AMER3: variants seen among roughly 807,000 people sequenced by gnomAD.
AMER3 encodes APC membrane recruitment protein 3, also known as family with sequence similarity 123C.
For synonymous variants in AMER3, 541 were observed against 485.5 expected, an observed-to-expected ratio of 1.11 and a Z score of -1.50; for missense variants, 1,201 against 1,139.4, an observed-to-expected ratio of 1.05 and a Z score of -0.78.
Position 130,764,022 on chromosome 2 carries a change from C to T in AMER3, c.1950C>T (p.Val650=), listed in dbSNP as rs1483336643. The T allele has an allele frequency of 6.2e-7, 1 of 1,613,184 alleles. No individual in the cohort carries two copies. The highest frequency in any genetic ancestry group is 8.5e-7 in the Non-Finnish European group (1 of 1,179,822). The part of the protein sequence containing the change: ...CSQKEPGPPG[V]LGCFRGPWRP... The stretch of plus-strand genomic sequence containing the variant: ...AGAAGGAGCCTGGGCCACCAGGGGT[C>T]CTGGGGTGTTTCCGAGGCCCCTGGA... Residue 650 remains valine (V), a synonymous_variant, in exon 2 of 2, where the codon GTC becomes GTT. Coordinates refer to ENST00000321420, the MANE Select transcript of AMER3 (RefSeq NM_152698.3).
rs1431451591 is a variant in AMER3 at position 130,762,093 on chromosome 2, G to GACC, written c.22_24dup (p.Thr8dup). ...GCAGCATGGAGCTGAAGAGAGGAAAGACCTTCATCAAGTCCAGCCTGCAGG... is the reference window on the plus strand; with the variant it reads ...GCAGCATGGAGCTGAAGAGAGGAAAGACCACCTTCATCAAGTCCAGCCTGCAGG... On this transcript the variant is annotated inframe_insertion, in exon 2 of 2. Coordinates refer to ENST00000321420, the MANE Select transcript of AMER3 (RefSeq NM_152698.3). The GACC allele has an allele frequency of 6.2e-7, 1 of 1,611,232 alleles. No homozygotes were observed. Among genetic ancestry groups the GACC allele is most frequent in the African/African-American group, 1.3e-5 (1 of 75,046 alleles).
rs754989002 is a variant in AMER3, at chr2:130,764,338, A to G, written c.2266A>G (p.Arg756Gly). ...RDRVQDLSWL[R>G]VEPTGLGVQA... The stretch of plus-strand genomic sequence containing the variant: ...TCGTGTCCAGGACCTGAGCTGGCTC[A>G]GGGTGGAGCCCACCGGGCTAGGTGT... Residue 756 changes from arginine (R) to glycine (G), a missense_variant, in exon 2 of 2, where the codon AGG becomes GGG. By Grantham distance (125) the Arg-to-Gly change is moderately radical. Coordinates refer to ENST00000321420, the MANE Select transcript of AMER3 (RefSeq NM_152698.3). 2 of 1,609,540 alleles carry G rather than the reference A, an allele frequency of 1.2e-6. No individual in the cohort carries two copies. The highest frequency in any genetic ancestry group is 1.7e-6 in the Non-Finnish European group (2 of 1,177,038).
At chr2:130,761,749 G>A (rs1410011995) in intron 1 of AMER3, among the ~76,000 whole-genome samples, 1 of 152,212 alleles carries the variant, frequency 6.6e-6, no homozygotes, top group Non-Finnish European at 1.5e-5. Flanking sequence ...CTAAGGAGCT[G>A]TTTGTAGAAC....
In AMER3 at chr2:130,762,122, C is replaced by T. The variant is rs1200629352; in HGVS notation, c.50C>T (p.Ser17Phe). ...KTFIKSSLQVSHEKPPDPAAV... is the reference protein window; with the variant it reads ...KTFIKSSLQVFHEKPPDPAAV... ...TTCATCAAGTCCAGCCTGCAGGTTT[C>T]CCACGAGAAACCCCCAGACCCAGCA... The change falls in exon 2 of 2, where the codon TCC becomes TTC. Residue 17 changes from serine to phenylalanine, a missense_variant. By Grantham distance (155) the Ser-to-Phe change is radical. Coordinates refer to ENST00000321420, the MANE Select transcript of AMER3 (RefSeq NM_152698.3). The T allele has an allele frequency of 1.2e-6, 2 of 1,610,934 alleles. No homozygotes were observed. Among genetic ancestry groups the T allele is most frequent in the African/African-American group, 2.7e-5 (2 of 74,912 alleles).
chr2:130,760,427 G>A (rs1420465221), intron 1 of AMER3, among the ~76,000 whole-genome samples: 1 of 152,188 alleles, frequency 6.6e-6, no homozygotes, highest in Non-Finnish European at 1.5e-5. Context: ...AGGGTCTCTG[G>A]CAGGTAGCTG....
rs746144283 is a variant in AMER3 at position 130,762,622 on chromosome 2, C to G, written c.550C>G (p.Leu184Val). The change falls in exon 2 of 2, where the codon CTG becomes GTG. Residue 184 changes from leucine to valine, a missense_variant. Coordinates refer to ENST00000321420, the MANE Select transcript of AMER3 (RefSeq NM_152698.3). ...CTCGCTGGCGGCCGAGGGGAAAAGC[C>G]TGCCCTCCCCAGGGGACCCGTCAGA... The part of the protein sequence containing the change: ...LASLAAEGKS[L>V]PSPGDPSDPG... The G allele has an allele frequency of 6.2e-7, 1 of 1,612,304 alleles. No individual in the cohort carries two copies.
chr2:130,763,834 G>T lies in AMER3; in HGVS notation c.1762G>T (p.Ala588Ser). Residue 588 changes from alanine to serine, a missense_variant, in exon 2 of 2, where the codon GCC (alanine) becomes TCC (serine). Ala to Ser is a moderately conservative substitution (Grantham distance 99). Transcript: ENST00000321420. ...CGGAGAGAGCAAGGCCCTCGGAGGG[G>T]CCACACAAGGGACTGGCACACTGTC... ...LAGESKALGG[A>S]TQGTGTLSRD... The T allele has an allele frequency of 6.2e-7, 1 of 1,613,222 alleles. No homozygotes were observed. Among genetic ancestry groups the T allele is most frequent in the Non-Finnish European group, 8.5e-7 (1 of 1,179,990 alleles).
rs762484004 is a variant in AMER3 at position 130,763,269 on chromosome 2, G to A, written c.1197G>A (p.Lys399=). Residue 399 remains lysine, a synonymous_variant, in exon 2 of 2, where the codon AAG becomes AAA. Transcript: ENST00000321420. ...DSFSPGLEED[K]KEAESPGTPA... ...TCTCGCCAGGACTTGAGGAGGACAA[G>A]AAGGAAGCTGAGAGCCCAGGCACTC... 6.2e-7 allele frequency: 1 copy of A among 1,613,712 alleles called. No homozygotes were observed. The highest frequency in any genetic ancestry group is 1.3e-5 in the African/African-American group (1 of 74,930).
chr2:130,768,059 G>T lies in AMER3; in HGVS notation c.*3401G>T, dbSNP rs561483653. ...GGGAGGCTGCCCTGACTCAACCCCA[G>T]CCTGGGGCTTTGTGCTGCACCTGAG... On this transcript the variant is annotated 3_prime_UTR_variant, in exon 2 of 2. Coordinates refer to ENST00000321420, the MANE Select transcript of AMER3 (RefSeq NM_152698.3). 1.8e-5 allele frequency: 3 copies of T among 167,140 alleles called. No individual in the cohort carries two copies. Among genetic ancestry groups the T allele is most frequent in the African/African-American group, 7.2e-5 (3 of 41,462 alleles). The allele number at this position is 167,140 out of a possible 1,614,324, so 10.4% of individuals were successfully genotyped here. A position where few individuals can be genotyped will look rare whatever the true frequency, so the allele number is the denominator to read the frequency against.
Position 130,763,987 on chromosome 2 carries a change from C to T in AMER3, c.1915C>T (p.Pro639Ser), listed in dbSNP as rs1301635100. Residue 639 changes from proline (P) to serine (S), a missense_variant, in exon 2 of 2, where the codon CCC (proline) becomes TCC (serine). By Grantham distance (74) the Pro-to-Ser change is moderately conservative (BLOSUM62 -1). Transcript: ENST00000321420. ...KNKAPVPSTW[P>S]CSQKEPGPPG... is the part of the protein sequence containing the mutation. ...TAAGGCCCCAGTTCCTTCTACCTGG[C>T]CCTGCTCCCAGAAGGAGCCTGGGCC... 3 of 1,613,424 alleles carry T rather than the reference C, an allele frequency of 1.9e-6. No individual in the cohort carries two copies. The highest frequency in any genetic ancestry group is 1.3e-5 in the African/African-American group (1 of 74,930).
chr2:130,763,403 T>C lies in AMER3; in HGVS notation c.1331T>C (p.Val444Ala). 6.2e-7 allele frequency: 1 copy of C among 1,613,044 alleles called. No individual in the cohort carries two copies. The highest frequency in any genetic ancestry group is 8.5e-7 in the Non-Finnish European group (1 of 1,179,982). Residue 444 changes from valine to alanine, a missense_variant, in exon 2 of 2, where the codon GTG becomes GCG. By Grantham distance (64) the Val-to-Ala change is moderately conservative (BLOSUM62 0). Coordinates refer to ENST00000321420, the MANE Select transcript of AMER3 (RefSeq NM_152698.3). ...CCCAGCCCAGATGATGACCTGTGCG[T>C]GTCTGAGAGTCTGTCAGGGCCGGCC... is the stretch of plus-strand genomic sequence containing the variant. Reference protein sequence around the residue: ...LGPSPDDDLCVSESLSGPALG... With the variant: ...LGPSPDDDLCASESLSGPALG...
At position 130,767,814 on chromosome 2, in the gene AMER3, G is replaced by C. The variant is rs1369810689; in HGVS notation, c.*3156G>C. The C allele has an allele frequency of 6.0e-6, 1 of 167,220 alleles. No homozygotes were observed. Among genetic ancestry groups the C allele is most frequent in the African/African-American group, 2.4e-5 (1 of 41,464 alleles). The allele number at this position is 167,220 out of a possible 1,614,324, so 10.4% of individuals were successfully genotyped here. A position where few individuals can be genotyped will look rare whatever the true frequency, so the allele number is the denominator to read the frequency against. On this transcript the variant is annotated 3_prime_UTR_variant, in exon 2 of 2. Transcript: ENST00000321420. ...CCTGGACACGGAGGCACAGGGTGCT[G>C]GTGTGACTTGCCCACAGTTATTAGT...
intron 1 of AMER3, among the ~76,000 whole-genome samples, chr2:130,760,537 G>A (rs917028918): frequency 6.6e-6 from 1 of 152,190 alleles, no homozygotes; most frequent in Non-Finnish European, 1.5e-5. Context: ...AGGAGCTGGG[G>A]GATGAGTGCA....
rs566889749 is a variant in AMER3 at position 130,756,063 on chromosome 2, TCGAGCGCGGCC to T, written c.-20+396_-20+406del. ...GGCGATACGAACAGACAAAGCCGGC[TCGAGCGCGGCC>T]CGAGCGGCGGCGCAGGGAGGCGGCA... On this transcript the variant is annotated intron_variant, in intron 1 of 1. Coordinates refer to ENST00000321420, the MANE Select transcript of AMER3 (RefSeq NM_152698.3). Among the ~76,000 whole-genome samples, 1,161 of 151,654 alleles carry T rather than the reference TCGAGCGCGGCC, an allele frequency of 7.7e-3. 6 individuals carry two copies. The highest frequency in any genetic ancestry group is 0.012 in the Non-Finnish European group (840 of 67,854).
Position 130,763,829 on chromosome 2 carries a change from G to A in AMER3, c.1757G>A (p.Gly586Glu), listed in dbSNP as rs762007528. ...CTCGCCGGAGAGAGCAAGGCCCTCG[G>A]AGGGGCCACACAAGGGACTGGCACA... ...GLLAGESKAL[G>E]GATQGTGTLS... The change falls in exon 2 of 2, where the codon GGA (glycine) becomes GAA (glutamate). Residue 586 changes from glycine to glutamate, a missense_variant. Transcript: ENST00000321420. 6.2e-7 allele frequency: 1 copy of A among 1,613,184 alleles called. No homozygotes were observed. Among genetic ancestry groups the A allele is most frequent in the South Asian group, 1.1e-5 (1 of 91,086 alleles).
At position 130,762,657 on chromosome 2, in the gene AMER3, G is replaced by A. The variant is rs767185585; in HGVS notation, c.585G>A (p.Gly195=). Residue 195 remains glycine (G), a synonymous_variant, in exon 2 of 2, where the codon GGG becomes GGA. Coordinates refer to ENST00000321420, the MANE Select transcript of AMER3 (RefSeq NM_152698.3). ...CAGGGGACCCGTCAGACCCTGGGGG[G>A]CGGCGAAGCAAAGCCTTCCTCCCCC... is the stretch of plus-strand genomic sequence containing the variant. ...PSPGDPSDPG[G]RRSKAFLPPG... is the part of the protein sequence containing the mutation. 5.0e-6 allele frequency: 8 copies of A among 1,611,266 alleles called. No homozygotes were observed. Among genetic ancestry groups the A allele is most frequent in the Non-Finnish European group, 6.8e-6 (8 of 1,179,844 alleles).
At chr2:130,758,405 A>G (rs901453320) in intron 1 of AMER3, among the ~76,000 whole-genome samples, 3 of 150,914 alleles carry the variant, frequency 2.0e-5, no homozygotes, top group Non-Finnish European at 4.4e-5. Flanking sequence ...GAAAGGAAGG[A>G]AGGAAGGAAG....
chr2:130,764,128 A>G lies in AMER3; in HGVS notation c.2056A>G (p.Ser686Gly). The stretch of plus-strand genomic sequence containing the variant: ...GGCCCGTGTGGCAGCCCTGAAGATC[A>G]GCTCAAACGAACAGCCCCCGGCCGC... ...CVARVAALKI[S>G]SNEQPPAAWP... Residue 686 changes from serine (S) to glycine (G), a missense_variant, in exon 2 of 2, where the codon AGC (serine) becomes GGC (glycine). By Grantham distance (56) the Ser-to-Gly change is moderately conservative. Coordinates refer to ENST00000321420, the MANE Select transcript of AMER3 (RefSeq NM_152698.3). 6.2e-7 allele frequency: 1 copy of G among 1,611,964 alleles called. No homozygotes were observed. Among genetic ancestry groups the G allele is most frequent in the Non-Finnish European group, 8.5e-7 (1 of 1,179,412 alleles).
chr2:130,764,063 G>A lies in AMER3; in HGVS notation c.1991G>A (p.Gly664Asp). The A allele has an allele frequency of 1.2e-6, 2 of 1,612,302 alleles. No homozygotes were observed. The highest frequency in any genetic ancestry group is 1.7e-5 in the Admixed American group (1 of 59,728). ...GGCCCCTGGAGGCCAGGTCACGGAG[G>A]TGACACTCTGGATGCAGAGCCCATG... is the stretch of plus-strand genomic sequence containing the variant. ...FRGPWRPGHG[G>D]DTLDAEPMLA... Residue 664 changes from glycine (G) to aspartate (D), a missense_variant, in exon 2 of 2, where the codon GGT (glycine) becomes GAT (aspartate). By Grantham distance (94) the Gly-to-Asp change is moderately conservative. Coordinates refer to ENST00000321420, the MANE Select transcript of AMER3 (RefSeq NM_152698.3).
Sources: gnomAD v4.1 joint callset for allele counts (sites outside exome capture counted in the v4.1 genomes callset) on GRCh38, gnomAD v4.1.1 for gene constraint, MANE v1.5 for transcripts, NCBI Gene and HGNC (gene_info 2026-07-23, HGNC 2026-07-21) for gene names.